Variants in TMEM108 observed in about 807,000 individuals in gnomAD.
TMEM108 encodes the protein cancer/testis antigen 124.
A neutral mutation model predicts 35.1 loss-of-function variants in TMEM108; 12 were observed. That is an observed-to-expected ratio of 0.34 (90% CI 0.22 to 0.55). The LOEUF (loss-of-function observed/expected upper bound fraction) is 0.55, where lower values mean the gene tolerates loss of function less well. Ranked by LOEUF, TMEM108 falls within the 20% of genes least tolerant of loss-of-function variation. The probability of loss-of-function intolerance (pLI) is 0.89; values close to 1 mark genes in which losing one functional copy is unlikely to be tolerated. For synonymous variants in TMEM108, 287 were observed against 308.6 expected (o/e 0.93, Z 0.73); for missense variants, 680 against 753.3 (o/e 0.90, Z 1.14).
At chr3:133,236,192 C>T (rs527977410) in intron 3 of TMEM108, among the ~76,000 whole-genome samples, 31 of 152,246 alleles carry the variant, frequency 2.0e-4, no homozygotes, top group African/African-American at 7.0e-4. Flanking sequence ...AAATCATGCT[C>T]TGTATTGTTA....
intron 3 of TMEM108, among the ~76,000 whole-genome samples, chr3:133,240,380 A>G (rs770891926): frequency 6.6e-5 from 10 of 152,226 alleles, no homozygotes; most frequent in African/African-American, 9.6e-5. Context: ...TAAGTCAACA[A>G]TTCTCTTCTG....
At chr3:133,107,301 G>A (rs6762949) in intron 2 of TMEM108, among the ~76,000 whole-genome samples, 21,519 of 152,034 alleles carry the variant, frequency 0.14, 1,551 homozygotes, top group Admixed American at 0.16. Context: ...TGCAATCCTA[G>A]GAATTGTGTT....
intron 2 of TMEM108, among the ~76,000 whole-genome samples, chr3:133,226,765 A>G (rs1017534990): frequency 1.3e-5 from 2 of 152,212 alleles, no homozygotes; most frequent in African/African-American, 4.8e-5. Flanking sequence ...TAAATGAAAT[A>G]AAAAATACTG....
chr3:133,098,403 G>A (rs1047370752), intron 2 of TMEM108, among the ~76,000 whole-genome samples: 3 of 152,116 alleles, frequency 2.0e-5, no homozygotes, highest in African/African-American at 7.2e-5. Flanking sequence ...TTCAGATGTG[G>A]GTGGGGACAC....
intron 3 of TMEM108, among the ~76,000 whole-genome samples, chr3:133,265,589 C>A (rs1946686037): frequency 6.6e-6 from 1 of 152,156 alleles, no homozygotes. Context: ...CCTTGACAAG[C>A]AGAGCTGCAG....
At chr3:133,322,712 C>G (rs962226796) in intron 3 of TMEM108, among the ~76,000 whole-genome samples, 6 of 151,792 alleles carry the variant, frequency 4.0e-5, no homozygotes, top group South Asian at 2.1e-4. Context: ...AAGGACATAA[C>G]AAAAAAGAAA....
At position 133,386,948 on chromosome 3, in the gene TMEM108, A is replaced by C. The variant is rs962109414; in HGVS notation, c.1451-3232A>C. The C allele has an allele frequency of 6.5e-6, 6 of 924,226 alleles. No individual in the cohort carries two copies. The African/African-American group carries it at 1.1e-4, about 16-fold the overall frequency. The allele number at this position is 924,226 out of a possible 1,614,324, so 57.3% of individuals were successfully genotyped here. On this transcript the variant is annotated intron_variant, in intron 4 of 5. Transcript: ENST00000321871. ...ATAGTGCCTTCCTCAGGCAGTTATC[A>C]TGTGGGCTAAATAAGCTTCAAAGTG...
At chr3:133,194,559 A>T (rs956400492) in intron 2 of TMEM108, among the ~76,000 whole-genome samples, 14 of 151,826 alleles carry the variant, frequency 9.2e-5, no homozygotes, top group African/African-American at 2.9e-4. Context: ...ATGTGTTTTC[A>T]GTGTGAAATT....
chr3:133,257,257 T>C (rs989693257), intron 3 of TMEM108: 3 of 152,216 alleles, frequency 2.0e-5, no homozygotes. Flanking sequence ...AAGGATTAAC[T>C]ATAGACTTGT....
At chr3:133,219,386 CTT>C (rs1243655293) in intron 2 of TMEM108, among the ~76,000 whole-genome samples, 1 of 151,856 alleles carries the variant, frequency 6.6e-6, no homozygotes, top group Non-Finnish European at 1.5e-5. Context: ...TTCCTTCTAA[CTT>C]TGGGCTTAAT....
chr3:133,253,029 T>A (rs1402101760), intron 3 of TMEM108, among the ~76,000 whole-genome samples: 1 of 152,162 alleles, frequency 6.6e-6, no homozygotes, highest in African/African-American at 2.4e-5. Flanking sequence ...AAGAAACTAT[T>A]TGAAGTATAC....
At chr3:133,114,163 A>G (rs1944258983) in intron 2 of TMEM108, among the ~76,000 whole-genome samples, 1 of 152,172 alleles carries the variant, frequency 6.6e-6, no homozygotes, top group African/African-American at 2.4e-5. Context: ...TTGCAAAGAG[A>G]TGAGCCACTA....
chr3:133,065,634 G>A (rs898992599), intron 2 of TMEM108, among the ~76,000 whole-genome samples: 1 of 151,946 alleles, frequency 6.6e-6, no homozygotes, highest in African/African-American at 2.4e-5. Context: ...CCAACAAGTT[G>A]TTTTATTCAT....
At chr3:133,383,257 A>G (rs918348457) in intron 4 of TMEM108, among the ~76,000 whole-genome samples, 1 of 152,216 alleles carries the variant, frequency 6.6e-6, no homozygotes, top group African/African-American at 2.4e-5. Flanking sequence ...AGAGACATAA[A>G]AGCAGGAACA....
intron 3 of TMEM108, among the ~76,000 whole-genome samples, chr3:133,331,369 A>G (rs1333869432): frequency 6.6e-6 from 1 of 152,200 alleles, no homozygotes; most frequent in African/African-American, 2.4e-5. Context: ...GATTTGATCT[A>G]GGGTTAACAG....
At chr3:133,072,512 G>A (rs79204938) in intron 2 of TMEM108, among the ~76,000 whole-genome samples, 6,760 of 152,012 alleles carry the variant, frequency 0.044, 199 homozygotes, top group African/African-American at 0.064. Context: ...TCTTATGTCA[G>A]TTACCACATT....
chr3:133,396,609 A>G lies in TMEM108; in HGVS notation c.*623A>G, dbSNP rs1480751745. The G allele has an allele frequency of 1.3e-5, 2 of 152,198 alleles. No homozygotes were observed. The highest frequency in any genetic ancestry group is 2.9e-5 in the Non-Finnish European group (2 of 68,050). The allele number at this position is 152,198 out of a possible 1,614,324, so 9.4% of individuals were successfully genotyped here. On this transcript the variant is annotated 3_prime_UTR_variant, in exon 6 of 6. Coordinates refer to ENST00000321871, the MANE Select transcript of TMEM108 (RefSeq NM_023943.4). The stretch of plus-strand genomic sequence containing the variant: ...GAGCCCTCAGGAATCCATGGAGGAC[A>G]TCAAGGCATCCCAAGGCCATATTCC...
chr3:133,091,940 G>A lies in TMEM108; in HGVS notation c.-47+45920G>A, dbSNP rs192916669. Among the ~76,000 whole-genome samples, 51 of 152,182 alleles carry A rather than the reference G, an allele frequency of 3.4e-4. No homozygotes were observed. In the East Asian group the frequency reaches 5.0e-3, roughly 15 times the overall value. On this transcript the variant is annotated intron_variant, in intron 2 of 5. Coordinates refer to ENST00000321871, the MANE Select transcript of TMEM108 (RefSeq NM_023943.4). ...TTGTTTTGAGCCTCTCAGAGAAAACGCATTATTTGGTATCTACTCTTGCTA... is the reference window on the plus strand; with the variant it reads ...TTGTTTTGAGCCTCTCAGAGAAAACACATTATTTGGTATCTACTCTTGCTA...
At chr3:133,142,101 C>T (rs1265520961) in intron 2 of TMEM108, among the ~76,000 whole-genome samples, 1 of 152,112 alleles carries the variant, frequency 6.6e-6, no homozygotes, top group Non-Finnish European at 1.5e-5. Context: ...CAGACATTGT[C>T]ATATATATTC....
Sources: allele counts gnomAD v4.1 joint callset (sites outside exome capture counted in the v4.1 genomes callset), GRCh38; gene constraint gnomAD v4.1.1; transcripts MANE v1.5; gene names NCBI Gene and HGNC (gene_info 2026-07-23, HGNC 2026-07-21).